The following EIF4ENIF1 variants were observed in gnomAD, a reference collection of about 807,000 sequenced individuals.
The protein encoded by EIF4ENIF1 is eukaryotic translation initiation factor 4E nuclear import factor 1, also known as eukaryotic translation initiation factor 4E transporter.
Under a neutral mutation model 110.5 loss-of-function variants are expected in EIF4ENIF1, and 23 were observed. The observed-to-expected ratio is 0.21, with a 90% CI of 0.15 to 0.29. EIF4ENIF1 has a LOEUF of 0.29. Among genes scored for constraint, EIF4ENIF1 ranks in the 10% least tolerant of loss-of-function variants. The pLI, the probability that EIF4ENIF1 is intolerant of heterozygous loss-of-function variation, is 1.00. For synonymous variants in EIF4ENIF1, 440 were observed against 437.0 expected, an observed-to-expected ratio of 1.01 and a Z score of -0.09; for missense variants, 1,031 against 1,221.1, an observed-to-expected ratio of 0.84 and a Z score of 2.32.
rs768427361 is a variant in EIF4ENIF1, at chr22:31,455,759, C to T, written c.1099+93G>A. 159 of 1,522,578 alleles carry T rather than the reference C, an allele frequency of 1.0e-4. No individual in the cohort carries two copies. The Middle Eastern group carries it at 4.7e-3, about 45-fold the overall frequency. 94.3% of individuals were successfully genotyped at this position (1,522,578 alleles called of 1,614,324 possible). A position where few individuals can be genotyped will look rare whatever the true frequency, so the allele number is the denominator to read the frequency against. On this transcript the variant is annotated intron_variant, in intron 8 of 18. Transcript: ENST00000330125. The stretch of plus-strand genomic sequence containing the variant: ...TTTCAGTTGTCCAGAGACCCTTTGA[C>T]CCTAATTGACTCCTGACTAATGAAG...
intron 14 of EIF4ENIF1, among the ~76,000 whole-genome samples, chr22:31,445,251 G>A (rs2050426042): frequency 6.6e-6 from 1 of 152,078 alleles, no homozygotes; most frequent in Non-Finnish European, 1.5e-5. Flanking sequence ...TTAGCACAGT[G>A]CCTGGCACAG....
In EIF4ENIF1 at chr22:31,477,390, A is replaced by AAG. The variant is rs1555910916; in HGVS notation, c.97-5475_97-5474dup. Among the ~76,000 whole-genome samples, 180 of 133,636 alleles carry AAG rather than the reference A, an allele frequency of 1.3e-3. 1 individual carries two copies. Among genetic ancestry groups the AAG allele is most frequent in the Non-Finnish European group, 1.9e-3 (119 of 62,748 alleles). 87.7% of individuals were successfully genotyped at this position (133,636 alleles called of 152,430 possible). On this transcript the variant is annotated intron_variant, in intron 2 of 18. Transcript: ENST00000330125. ...AAAAAAAAAACAAAAAAAACAAAAA[A>AAG]AGAGAATTTGAAATTGAGAGGTTAT...
At chr22:31,463,651 T>TAAAAAA (rs71319194) in intron 5 of EIF4ENIF1, 30 bp downstream of exon 5, 3 of 1,334,128 alleles carry the variant, frequency 2.2e-6, no homozygotes, top group Admixed American at 2.9e-5. Flanking sequence ...CGTCTCAATT[T>TAAAAAA]AAAAAAAAAA....
At chr22:31,450,813 T>C (rs1242351435) in intron 10 of EIF4ENIF1, 8 of 183,332 alleles carry the variant, frequency 4.4e-5, no homozygotes, top group East Asian at 1.4e-4. Flanking sequence ...CACATACATA[T>C]ACACACATAC....
chr22:31,481,206 A>G (rs1025577411), intron 2 of EIF4ENIF1, among the ~76,000 whole-genome samples: 1 of 152,150 alleles, frequency 6.6e-6, no homozygotes, highest in Non-Finnish European at 1.5e-5. Context: ...TCTGTTGCCC[A>G]TGCTGGAGTG....
intron 7 of EIF4ENIF1, among the ~76,000 whole-genome samples, chr22:31,456,284 C>T (rs541566219): frequency 8.8e-4 from 128 of 146,058 alleles, no homozygotes; most frequent in Non-Finnish European, 1.3e-3. Flanking sequence ...AGTGCAGTGG[C>T]ACGATCTCGG....
intron 13 of EIF4ENIF1, among the ~76,000 whole-genome samples, chr22:31,447,810 G>A (rs1007083752): frequency 6.6e-6 from 1 of 152,238 alleles, no homozygotes; most frequent in Admixed American, 6.5e-5. Context: ...ATTTCTTTTA[G>A]AGACAGGGTC....
intron 11 of EIF4ENIF1, among the ~76,000 whole-genome samples, chr22:31,449,734 C>CTT (rs36031296): frequency 1.4e-3 from 194 of 143,702 alleles, no homozygotes; most frequent in Non-Finnish European, 1.6e-3. Flanking sequence ...ATAGAGGTTC[C>CTT]TTTTTTTTTT....
At chr22:31,445,954 C>CT (rs1491241638) in intron 14 of EIF4ENIF1, among the ~76,000 whole-genome samples, 1 of 85,770 alleles carries the variant, frequency 1.2e-5, no homozygotes, top group African/African-American at 5.0e-5. Flanking sequence ...TTACGTACCG[C>CT]CCCCCCCCCC....
intron 15 of EIF4ENIF1, 147 bp from the exon 16 acceptor site, chr22:31,443,241 A>C: frequency 1.7e-6 from 2 of 1,172,972 alleles, no homozygotes; most frequent in African/African-American, 1.6e-5. Flanking sequence ...TAGCTGCTGG[A>C]GGAAAAACAG....
intron 2 of EIF4ENIF1, among the ~76,000 whole-genome samples, chr22:31,479,687 GTTT>G (rs11321585): frequency 1.1e-4 from 14 of 124,800 alleles, no homozygotes; most frequent in Non-Finnish European, 1.8e-4. Flanking sequence ...TTGGAAAGGT[GTTT>G]TTTTTTTTTT....
chr22:31,441,398 G>A (rs1351347144), intron 17 of EIF4ENIF1, among the ~76,000 whole-genome samples: 1 of 151,580 alleles, frequency 6.6e-6, no homozygotes, highest in African/African-American at 2.4e-5. Flanking sequence ...AAATTATCCG[G>A]GTGTGGCGGC....
rs544427420 is a variant in EIF4ENIF1 at position 31,475,454 on chromosome 22, T to A, written c.97-3537A>T. On this transcript the variant is annotated intron_variant, in intron 2 of 18. Coordinates refer to ENST00000330125, the MANE Select transcript of EIF4ENIF1 (RefSeq NM_019843.4). ...ACACCTGTCTCTACAAAAAATATTT[T>A]AAAATTCATCGAGTGGGCCGGGCAC... Among the ~76,000 whole-genome samples, 4 of 152,036 alleles carry A rather than the reference T, an allele frequency of 2.6e-5. No homozygotes were observed. In the East Asian group the frequency reaches 7.8e-4, roughly 30 times the overall value.
intron 1 of EIF4ENIF1, 98 bp from the exon 2 acceptor site, chr22:31,488,843 A>C: frequency 7.2e-7 from 1 of 1,384,616 alleles, no homozygotes; most frequent in East Asian, 2.5e-5. Flanking sequence ...ATCTCTCAAA[A>C]CAGCTAGTGT....
At chr22:31,444,090 G>A (rs1370723912) in intron 15 of EIF4ENIF1, among the ~76,000 whole-genome samples, 2 of 152,094 alleles carry the variant, frequency 1.3e-5, no homozygotes, top group Non-Finnish European at 2.9e-5. Context: ...GAGCCACCAC[G>A]CCCAGCTGGA....
At chr22:31,449,200 G>C (rs962894539) in intron 12 of EIF4ENIF1, 148 bp downstream of exon 12, 2 of 679,698 alleles carry the variant, frequency 2.9e-6, no homozygotes, top group Non-Finnish European at 4.8e-6. Flanking sequence ...AGTAGAGATG[G>C]GGTTTCACCA....
chr22:31,452,852 GCCT>G (rs2050715616), intron 10 of EIF4ENIF1, among the ~76,000 whole-genome samples: 1 of 152,214 alleles, frequency 6.6e-6, no homozygotes, highest in Non-Finnish European at 1.5e-5. Context: ...TATCTGAGGT[GCCT>G]CCTTTCAAGT....
chr22:31,468,392 G>A, intron 3 of EIF4ENIF1, 90 bp from the exon 4 acceptor site: 1 of 1,561,554 alleles, frequency 6.4e-7, no homozygotes, highest in Non-Finnish European at 8.7e-7. Flanking sequence ...AATAGTTATG[G>A]AAACCCATTT....
intron 13 of EIF4ENIF1, among the ~76,000 whole-genome samples, chr22:31,447,915 C>T (rs1401809929): frequency 6.6e-6 from 1 of 152,152 alleles, no homozygotes; most frequent in Non-Finnish European, 1.5e-5. Flanking sequence ...CCTCAGCCTC[C>T]TGTGTAGCTG....
Sources: gnomAD v4.1 joint callset for allele counts (sites outside exome capture counted in the v4.1 genomes callset) on GRCh38, gnomAD v4.1.1 for gene constraint, MANE v1.5 for transcripts, NCBI Gene and HGNC (gene_info 2026-07-23, HGNC 2026-07-21) for gene names.